The following TCF7L1 variants were observed in gnomAD, a reference collection of about 807,000 sequenced individuals.
The protein encoded by TCF7L1 is transcription factor 7-like 1.
A neutral mutation model predicts 63.7 loss-of-function variants in TCF7L1; 18 were observed. That is an observed-to-expected ratio of 0.28 (90% CI 0.20 to 0.42). The LOEUF (loss-of-function observed/expected upper bound fraction) is 0.42. Ranked by LOEUF, TCF7L1 falls within the 10% of genes least tolerant of loss-of-function variation. The pLI, the probability that TCF7L1 is intolerant of heterozygous loss-of-function variation, is 1.00. For missense variants in TCF7L1, 654 were observed against 779.3 expected (o/e 0.84, Z 1.91); for synonymous variants, 355 against 340.9 (o/e 1.04, Z -0.46).
chr2:85,307,992 C>A (rs1036519754), intron 11 of TCF7L1, among the ~76,000 whole-genome samples: 23 of 152,118 alleles, frequency 1.5e-4, no homozygotes, highest in Admixed American at 1.4e-3. Context: ...AGTGAATCAT[C>A]CTACCTGAGG....
At chr2:85,255,262 C>A (rs1159885581) in intron 3 of TCF7L1, among the ~76,000 whole-genome samples, 2 of 152,166 alleles carry the variant, frequency 1.3e-5, no homozygotes, top group Non-Finnish European at 2.9e-5. Flanking sequence ...GCATGAGCAT[C>A]ACCTGGAGGA....
rs142865175 is a variant in TCF7L1, at chr2:85,223,617, T to A, written c.442-59878T>A. ...AGAATGAGAAGGAGGATGAAGAAAG[T>A]TGCAAAACCCAGCAAAAAGTACCCA... On this transcript the variant is annotated intron_variant, in intron 3 of 11. Coordinates refer to ENST00000282111, the MANE Select transcript of TCF7L1 (RefSeq NM_031283.3). Among the ~76,000 whole-genome samples the A allele has an allele frequency of 3.2e-3, 494 of 152,112 alleles. 4 individuals are homozygous for A. Among genetic ancestry groups the A allele is most frequent in the African/African-American group, 0.011 (477 of 41,480 alleles).
chr2:85,306,822 A>G lies in TCF7L1; in HGVS notation c.1257+263A>G, dbSNP rs1039161553. Among the ~76,000 whole-genome samples the G allele has an allele frequency of 6.6e-6, 1 of 151,388 alleles. No homozygotes were observed. Among genetic ancestry groups the G allele is most frequent in the Non-Finnish European group, 1.5e-5 (1 of 67,862 alleles). On this transcript the variant is annotated intron_variant, in intron 10 of 11. Coordinates refer to ENST00000282111, the MANE Select transcript of TCF7L1 (RefSeq NM_031283.3). This position sits in a 1 kb window ranked among gnomAD's most constrained non-coding sequence, Gnocchi z 4.3. ...TGGGACTACAGGCACCTGCCACCACACCCGGCTAATTTTTTGTATTTTTAG... is the reference window on the plus strand; with the variant it reads ...TGGGACTACAGGCACCTGCCACCACGCCCGGCTAATTTTTTGTATTTTTAG...
At chr2:85,178,697 G>A (rs771170065) in intron 3 of TCF7L1, among the ~76,000 whole-genome samples, 2 of 152,084 alleles carry the variant, frequency 1.3e-5, no homozygotes, top group African/African-American at 4.8e-5. Context: ...ACCTTTCTAC[G>A]GCCTAGAATC....
At chr2:85,135,194 G>A (rs1347461392) in intron 3 of TCF7L1, among the ~76,000 whole-genome samples, 1 of 152,198 alleles carries the variant, frequency 6.6e-6, no homozygotes, top group African/African-American at 2.4e-5. Flanking sequence ...ACGTGCAAAT[G>A]AGGGCGGATT....
intron 3 of TCF7L1, among the ~76,000 whole-genome samples, chr2:85,250,266 C>T (rs891989096): frequency 1.6e-4 from 25 of 152,140 alleles, no homozygotes; most frequent in Admixed American, 6.5e-5. Flanking sequence ...GCCAGTACAC[C>T]AGTGCCAGCT....
At chr2:85,301,287 C>T (rs887939542) in intron 4 of TCF7L1, among the ~76,000 whole-genome samples, 5 of 152,176 alleles carry the variant, frequency 3.3e-5, no homozygotes, top group Admixed American at 1.3e-4. Flanking sequence ...ACTTACTAAC[C>T]GTGTCCCAGG....
Position 85,309,191 on chromosome 2 carries a change from A to G in TCF7L1, c.1496A>G (p.Gln499Arg). 6.2e-7 allele frequency: 1 copy of G among 1,613,824 alleles called. No individual in the cohort carries two copies. Among genetic ancestry groups the G allele is most frequent in the Non-Finnish European group, 8.5e-7 (1 of 1,179,990 alleles). The change falls in exon 12 of 12, where the codon CAA (glutamine) becomes CGA (arginine). Residue 499 changes from glutamine (Q) to arginine (R), a missense_variant. Around this residue, in one of 3 missense-constraint regions of TCF7L1, gnomAD observed 184 missense variants for 204.0 expected, o/e 0.90. Transcript: ENST00000282111. ...PAAPAATHSEQAQPLSLTTKP... is the reference protein window; with the variant it reads ...PAAPAATHSERAQPLSLTTKP... ...GCCCCTGCTGCCACCCATTCGGAGC[A>G]AGCCCAGCCCCTCTCCCTCACCACC...
At chr2:85,181,406 C>T (rs1007129980) in intron 3 of TCF7L1, among the ~76,000 whole-genome samples, 1 of 152,188 alleles carries the variant, frequency 6.6e-6, no homozygotes, top group Non-Finnish European at 1.5e-5. Context: ...CCCAGAGGTA[C>T]GGGTGTGCCT....
At chr2:85,283,272 C>A (rs1180278184) in intron 3 of TCF7L1, among the ~76,000 whole-genome samples, 1 of 58,196 alleles carries the variant, frequency 1.7e-5, no homozygotes, top group Admixed American at 1.7e-4. Flanking sequence ...GTGTCCCCCC[C>A]CCCAAAATGA....
chr2:85,225,353 T>G (rs1048193344), intron 3 of TCF7L1, among the ~76,000 whole-genome samples: 1 of 152,220 alleles, frequency 6.6e-6, no homozygotes, highest in Non-Finnish European at 1.5e-5. Flanking sequence ...ATTGAATCTA[T>G]AAATTACCTT....
At chr2:85,159,929 C>A (rs1011289849) in intron 3 of TCF7L1, among the ~76,000 whole-genome samples, 8 of 152,216 alleles carry the variant, frequency 5.3e-5, no homozygotes, top group Non-Finnish European at 1.0e-4. Flanking sequence ...CCCAGGCTCC[C>A]TGACCGATGC....
In TCF7L1 at chr2:85,305,312, C is replaced by T; in HGVS notation, c.898C>T (p.Leu300=). 1 of 1,613,994 alleles carries T rather than the reference C, an allele frequency of 6.2e-7. No individual in the cohort carries two copies. Among genetic ancestry groups the T allele is most frequent in the Non-Finnish European group, 8.5e-7 (1 of 1,179,998 alleles). The change falls in exon 8 of 12, where the codon CTG becomes TTG. Residue 300 remains leucine, a synonymous_variant. Coordinates refer to ENST00000282111, the MANE Select transcript of TCF7L1 (RefSeq NM_031283.3). ...CATGGTGGCTCCTGCCCACCCTGGC[C>T]TGCCCACCTCAGGGATCCCCCACCC... is the stretch of plus-strand genomic sequence containing the variant. ...PHMVAPAHPG[L]PTSGIPHPAI... is the part of the protein sequence containing the mutation.
In TCF7L1 at chr2:85,307,661, A is replaced by G. The variant is rs1053244717; in HGVS notation, c.1277A>G (p.Lys426Arg). 4 of 1,613,706 alleles carry G rather than the reference A, an allele frequency of 2.5e-6. No individual in the cohort carries two copies. Among genetic ancestry groups the G allele is most frequent in the Non-Finnish European group, 2.5e-6 (3 of 1,179,976 alleles). ...RDNYGKKKKR[K>R]REKQLSQTQS... is the part of the protein sequence containing the mutation. ...TTCCAGGGTAAGAAAAAGAAGAGGAAGAGAGAAAAGCAGCTGTCCCAGACA... is the reference window on the plus strand; with the variant it reads ...TTCCAGGGTAAGAAAAAGAAGAGGAGGAGAGAAAAGCAGCTGTCCCAGACA... The change falls in exon 11 of 12, where the codon AAG (lysine) becomes AGG (arginine). Residue 426 changes from lysine (K) to arginine (R), a missense_variant. By Grantham distance (26) the Lys-to-Arg change is conservative. Around this residue, in one of 3 missense-constraint regions of TCF7L1, gnomAD observed 184 missense variants for 204.0 expected, o/e 0.90. Transcript: ENST00000282111.
chr2:85,290,545 A>G (rs1681683810), intron 4 of TCF7L1, among the ~76,000 whole-genome samples: 1 of 152,240 alleles, frequency 6.6e-6, no homozygotes, highest in African/African-American at 2.4e-5. Flanking sequence ...GAGTTTTGAC[A>G]AACTTTTGCA....
intron 3 of TCF7L1, among the ~76,000 whole-genome samples, chr2:85,269,984 C>G (rs1220482324): frequency 6.6e-6 from 1 of 152,174 alleles, no homozygotes; most frequent in Admixed American, 6.5e-5. Context: ...AACTGCCCGT[C>G]TATGGAGAGG....
intron 3 of TCF7L1, among the ~76,000 whole-genome samples, chr2:85,260,332 T>C (rs1680830234): frequency 6.6e-6 from 1 of 152,144 alleles, no homozygotes; most frequent in Non-Finnish European, 1.5e-5. Context: ...TTCCAATTCA[T>C]CATTTAAAGA....
At chr2:85,307,146 G>A (rs1489942857) in intron 10 of TCF7L1, among the ~76,000 whole-genome samples, 2 of 145,328 alleles carry the variant, frequency 1.4e-5, no homozygotes, top group South Asian at 2.3e-4. Flanking sequence ...GTTAGCTGTG[G>A]TAGGAAGAGT....
chr2:85,234,063 A>G (rs1680142467), intron 3 of TCF7L1, among the ~76,000 whole-genome samples: 1 of 151,630 alleles, frequency 6.6e-6, no homozygotes, highest in African/African-American at 2.4e-5. Context: ...TAATCTTCTA[A>G]TAAGGCATTT....
Sources: gnomAD v4.1 joint callset for allele counts (sites outside exome capture counted in the v4.1 genomes callset) on GRCh38, gnomAD v4.1.1 for gene constraint, gnomAD v4.1.1 regional missense constraint, Gnocchi (gnomAD v3.1) non-coding constraint, MANE v1.5 for transcripts, NCBI Gene and HGNC (gene_info 2026-07-23, HGNC 2026-07-21) for gene names.